OAT: variants seen among roughly 807,000 people sequenced by gnomAD.
OAT encodes ornithine aminotransferase, mitochondrial.
A neutral mutation model predicts 48.4 loss-of-function variants in OAT; 35 were observed. The observed-to-expected ratio is 0.72, with a 90% confidence interval of 0.55 to 0.96. OAT has a LOEUF of 0.96. OAT is among the 40% of genes least tolerant of loss of function. The pLI is 0.00. For synonymous variants in OAT, 182 were observed against 198.4 expected, an observed-to-expected ratio of 0.92 and a Z score of 0.70; for missense variants, 438 against 537.9, an observed-to-expected ratio of 0.81 and a Z score of 1.84.
chr10:124,403,557 G>GT (rs1181814243), intron 6 of OAT, among the ~76,000 whole-genome samples: 1 of 152,204 alleles, frequency 6.6e-6, no homozygotes, highest in Non-Finnish European at 1.5e-5. Flanking sequence ...CAGGTCTGCA[G>GT]TTCTGCACAG....
chr10:124,402,862 A>G (rs952755406), intron 7 of OAT, 65 bp downstream of exon 7: 28 of 1,593,452 alleles, frequency 1.8e-5, no homozygotes, highest in Non-Finnish European at 2.4e-5. Flanking sequence ...CAGTTGATGT[A>G]TAAATACTTT....
chr10:124,410,502 C>T (rs1001185267), intron 2 of OAT, among the ~76,000 whole-genome samples: 2 of 152,216 alleles, frequency 1.3e-5, no homozygotes, highest in Admixed American at 1.3e-4. Flanking sequence ...TACAATTACT[C>T]TATGGTTATA....
intron 4 of OAT, chr10:124,405,902 T>C: frequency 8.5e-7 from 1 of 1,180,708 alleles, no homozygotes; most frequent in East Asian, 5.7e-5. Flanking sequence ...AGGTCTTGAA[T>C]GCATGTTTTC....
chr10:124,411,968 C>T lies in OAT; in HGVS notation c.199+5G>A, dbSNP rs1564739598. 4 of 1,611,726 alleles carry T rather than the reference C, an allele frequency of 2.5e-6. No individual in the cohort carries two copies. Among genetic ancestry groups the T allele is most frequent in the Admixed American group, 3.3e-5 (2 of 60,002 alleles). ...AGGGAAAAGACGGATTAATTTGAAACGTACCTTTTCCTCTCTCCAGGGCTA... is the reference window on the plus strand; with the variant it reads ...AGGGAAAAGACGGATTAATTTGAAATGTACCTTTTCCTCTCTCCAGGGCTA... On this transcript the variant is annotated splice_donor_5th_base_variant and intron_variant, in intron 2 of 9. Transcript: ENST00000368845.
intron 7 of OAT, 39 bp from the exon 8 acceptor site, chr10:124,401,878 T>C (rs764697971): frequency 1.2e-5 from 17 of 1,445,698 alleles, no homozygotes; most frequent in Non-Finnish European, 1.6e-5. Context: ...TTCTCAGCAC[T>C]AAGCATTCTA....
intron 4 of OAT, among the ~76,000 whole-genome samples, 198 bp downstream of exon 4, chr10:124,408,344 T>TATA (rs1491272664): frequency 7.7e-4 from 63 of 81,618 alleles, no homozygotes; most frequent in South Asian, 1.8e-3. Flanking sequence ...TATATATATA[T>TATA]TTTTTTTTTT....
rs1564739694 is a variant in OAT, at chr10:124,412,012, T to C, written c.160A>G (p.Asn54Asp). The C allele has an allele frequency of 2.5e-6, 4 of 1,614,098 alleles. No homozygotes were observed. In the Admixed American group the frequency reaches 6.7e-5, roughly 27 times the overall value. ...FEREYKYGAH[N>D]YHPLPVALER... ...AGGGCTACAGGTAAAGGATGGTAGT[T>C]GTGTGCACCATACTTATATTCCCTT... The change falls in exon 2 of 10, where the codon AAC becomes GAC. Residue 54 changes from asparagine to aspartate, a missense_variant. Asn to Asp is a conservative substitution (Grantham distance 23). Transcript: ENST00000368845.
chr10:124,405,798 A>G, intron 4 of OAT: 2 of 1,312,034 alleles, frequency 1.5e-6, no homozygotes, highest in Non-Finnish European at 2.0e-6. Flanking sequence ...ATTTCTCTCT[A>G]CTGAGCCTCT....
intron 6 of OAT, chr10:124,403,273 A>G (rs1024479779): frequency 9.8e-6 from 6 of 612,370 alleles, no homozygotes; most frequent in African/African-American, 3.7e-5. Flanking sequence ...CTATCTCCCT[A>G]GAGGCCCATT....
chr10:124,413,081 T>A (rs576316146), intron 1 of OAT, among the ~76,000 whole-genome samples: 1 of 152,268 alleles, frequency 6.6e-6, no homozygotes, highest in Non-Finnish European at 1.5e-5. Context: ...ATTAAAGGTG[T>A]GAGCCACTGT....
rs141600914 is a variant in OAT at position 124,406,838 on chromosome 10, T to G, written c.521-1275A>C. ...AAAAAAAAAGTTGGGAAATAGATCA[T>G]GATCACAACTGGCAAGATCCCTATC... is the stretch of plus-strand genomic sequence containing the variant. On this transcript the variant is annotated intron_variant, in intron 4 of 9. Transcript: ENST00000368845. The G allele has an allele frequency of 4.6e-4, 182 of 392,302 alleles. 2 individuals are homozygous for G. The Middle Eastern group carries it at 0.013, about 29-fold the overall frequency. 24.3% of individuals were successfully genotyped at this position (392,302 alleles called of 1,614,324 possible). A position where few individuals can be genotyped will look rare whatever the true frequency, so the allele number is the denominator to read the frequency against.
intron 1 of OAT, 146 bp from the exon 2 acceptor site, chr10:124,412,346 A>T (rs1951784321): frequency 1.6e-6 from 1 of 631,788 alleles, no homozygotes; most frequent in Non-Finnish European, 2.8e-6. Flanking sequence ...CTCCATCACT[A>T]AAAAAAATTG....
rs755162030 is a variant in OAT, at chr10:124,405,451, A to C, written c.633T>G (p.Asp211Glu). 5.6e-6 allele frequency: 9 copies of C among 1,614,002 alleles called. No individual in the cohort carries two copies. Among genetic ancestry groups the C allele is most frequent in the Non-Finnish European group, 6.8e-6 (8 of 1,179,968 alleles). ...MPGFDIIPYNDLPALERALQD... is the reference protein window; with the variant it reads ...MPGFDIIPYNELPALERALQD... ...AGTGAAATACCTCCAGTGCGGGCAG[A>C]TCATTATAGGGAATGATGTCGAATC... Residue 211 changes from aspartate (D) to glutamate (E), a missense_variant, in exon 5 of 10, where the codon GAT becomes GAG. Asp to Glu is a conservative substitution (Grantham distance 45). Coordinates refer to ENST00000368845, the MANE Select transcript of OAT (RefSeq NM_000274.4).
At chr10:124,410,328 A>G (rs1376956272) in intron 2 of OAT, among the ~76,000 whole-genome samples, 1 of 152,230 alleles carries the variant, frequency 6.6e-6, no homozygotes, top group African/African-American at 2.4e-5. Flanking sequence ...AAAGAAGACC[A>G]AGACAACCAA....
In OAT at chr10:124,408,674, T is replaced by A. The variant is rs1424799333; in HGVS notation, c.425-37A>T. The stretch of plus-strand genomic sequence containing the variant: ...GAAAAATGTTCAGATTTTTTTAAAA[T>A]GTTAAACTATCAAAAAATAAAAAGA... On this transcript the variant is annotated intron_variant, in intron 3 of 9. Transcript: ENST00000368845. 4 of 1,589,570 alleles carry A rather than the reference T, an allele frequency of 2.5e-6. No homozygotes were observed. The African/African-American group carries it at 4.0e-5, about 16-fold the overall frequency.
At chr10:124,403,666 T>G in intron 6 of OAT, 132 bp downstream of exon 6, 2 of 1,311,210 alleles carry the variant, frequency 1.5e-6, no homozygotes, top group Non-Finnish European at 1.1e-6. Context: ...CGCCCTCTAG[T>G]GGAAAGTAAT....
Position 124,405,445 on chromosome 10 carries a change from G to A in OAT, c.639C>T (p.Pro213=), listed in dbSNP as rs773314783. Residue 213 remains proline (P), a synonymous_variant, in exon 5 of 10, where the codon CCC becomes CCT. Coordinates refer to ENST00000368845, the MANE Select transcript of OAT (RefSeq NM_000274.4). Reference sequence around the variant, plus strand: ...GATGCTAGTGAAATACCTCCAGTGCGGGCAGATCATTATAGGGAATGATGT... The same window carrying A: ...GATGCTAGTGAAATACCTCCAGTGCAGGCAGATCATTATAGGGAATGATGT... ...GFDIIPYNDL[P]ALERALQDPN... is the part of the protein sequence containing the mutation. The A allele has an allele frequency of 2.8e-5, 45 of 1,613,572 alleles. No homozygotes were observed. The highest frequency in any genetic ancestry group is 1.8e-4 in the South Asian group (16 of 91,068).
intron 6 of OAT, 78 bp from the exon 7 acceptor site, chr10:124,403,133 C>G (rs2134457082): frequency 6.8e-7 from 1 of 1,469,736 alleles, no homozygotes; most frequent in African/African-American, 1.4e-5. Context: ...ATTTCACTGT[C>G]CCCCCACCAA....
chr10:124,412,710 G>A (rs957657538), intron 1 of OAT, among the ~76,000 whole-genome samples: 3 of 152,158 alleles, frequency 2.0e-5, no homozygotes, highest in Non-Finnish European at 4.4e-5. Context: ...TCAGGAGGCT[G>A]AGGCGGGAGG....
Sources: gnomAD v4.1 joint callset for allele counts (sites outside exome capture counted in the v4.1 genomes callset) on GRCh38, gnomAD v4.1.1 for gene constraint, MANE v1.5 for transcripts, NCBI Gene and HGNC (gene_info 2026-07-23, HGNC 2026-07-21) for gene names.